Variants in DMD observed in about 807,000 individuals in gnomAD.
DMD encodes the protein dystrophin.
Under a neutral mutation model 330.1 loss-of-function variants are expected in DMD, and 63 were observed. That is an observed-to-expected ratio of 0.19 (90% CI 0.16 to 0.24). The LOEUF (loss-of-function observed/expected upper bound fraction) is 0.24. Among genes scored for constraint, DMD ranks in the 10% least tolerant of loss-of-function variants. The probability of loss-of-function intolerance (pLI) is 1.00; values close to 1 mark genes in which losing one functional copy is unlikely to be tolerated. For missense variants in DMD, 3,344 were observed against 2,684.1 expected, an observed-to-expected ratio of 1.25 and a Z score of -5.43; for synonymous variants, 1,223 against 959.8, an observed-to-expected ratio of 1.27 and a Z score of -5.07.
intron 2 of DMD, among the ~76,000 whole-genome samples, chrX:32,910,471 C>A (rs1274258803): frequency 9.0e-6 from 1 of 110,794 alleles, no homozygotes; most frequent in African/African-American, 3.3e-5. Flanking sequence ...CACTGTCACC[C>A]GGGCTGGAGT....
intron 62 of DMD, among the ~76,000 whole-genome samples, chrX:31,314,764 G>GAAAGAGAA (rs1424885557): frequency 1.3e-3 from 126 of 96,350 alleles, no homozygotes; most frequent in African/African-American, 4.6e-3. Flanking sequence ...GAGAGAGAGA[G>GAAAGAGAA]AGAGAGAGAG....
At chrX:31,185,894 A>T (rs765468591) in intron 67 of DMD, among the ~76,000 whole-genome samples, 1 of 112,116 alleles carries the variant, frequency 8.9e-6, no homozygotes, top group Admixed American at 9.5e-5. Flanking sequence ...TTTTGCCAAG[A>T]ACCAAGAAGC....
intron 2 of DMD, among the ~76,000 whole-genome samples, chrX:33,017,453 ATG>A (rs1483123835): frequency 4.5e-5 from 5 of 111,232 alleles, no homozygotes; most frequent in Non-Finnish European, 7.6e-5. Flanking sequence ...AGTTGTATGA[ATG>A]TGTGTGTGCC....
At chrX:31,507,019 C>T (rs751911349) in intron 56 of DMD, among the ~76,000 whole-genome samples, 1 of 111,756 alleles carries the variant, frequency 8.9e-6, no homozygotes, top group African/African-American at 3.2e-5. Context: ...AGCTGCACTC[C>T]TCATTTAAAT....
chrX:32,912,819 TG>T (rs758215688), intron 2 of DMD, among the ~76,000 whole-genome samples: 8 of 111,407 alleles, frequency 7.2e-5, no homozygotes, highest in Non-Finnish European at 1.5e-4. Flanking sequence ...GAATTGGAGA[TG>T]GGTACATAGA....
At chrX:33,044,757 G>A (rs1295340904) in intron 1 of DMD, among the ~76,000 whole-genome samples, 1 of 111,894 alleles carries the variant, frequency 8.9e-6, no homozygotes, top group Non-Finnish European at 1.9e-5. Flanking sequence ...CGTATTCAGA[G>A]ATAAATTTAT....
At chrX:32,852,874 T>C (rs2081249885) in intron 2 of DMD, among the ~76,000 whole-genome samples, 1 of 108,897 alleles carries the variant, frequency 9.2e-6, no homozygotes, top group Admixed American at 9.8e-5. Flanking sequence ...TCTGCCACAA[T>C]AGAAGAGAGC....
chrX:32,092,484 T>C (rs2096481537), intron 44 of DMD, among the ~76,000 whole-genome samples: 1 of 111,527 alleles, frequency 9.0e-6, no homozygotes, highest in Non-Finnish European at 1.9e-5. Flanking sequence ...AGATGAGGAA[T>C]ACAATTCTTT....
intron 61 of DMD, among the ~76,000 whole-genome samples, chrX:31,327,648 G>C (rs1243854053): frequency 1.8e-5 from 2 of 111,833 alleles, no homozygotes; most frequent in Non-Finnish European, 3.8e-5. Context: ...CAAAAAAGTG[G>C]GGACAGTTTA....
chrX:32,587,771 G>A (rs979742907), intron 13 of DMD, among the ~76,000 whole-genome samples: 4 of 111,342 alleles, frequency 3.6e-5, no homozygotes, highest in East Asian at 2.8e-4. Flanking sequence ...AGCTCTTATC[G>A]CATTGTAAGA....
Position 33,201,178 on chromosome X carries a change from G to A in DMD, c.31+10104C>T, listed in dbSNP as rs5972774. 4.6e-3 allele frequency among the ~76,000 whole-genome samples: 510 copies of A among 110,366 alleles called. 1 individual carries two copies. The highest frequency in any genetic ancestry group is 0.014 in the Middle Eastern group (3 of 210). Reference sequence around the variant, plus strand: ...ATTCCTGACCTCAGGTGATCTGCCCGCCTTGGCCTCCCAAAGTGTTGGGAT... The same window carrying A: ...ATTCCTGACCTCAGGTGATCTGCCCACCTTGGCCTCCCAAAGTGTTGGGAT... On this transcript the variant is annotated intron_variant, in intron 1 of 78. Transcript: ENST00000357033.
intron 26 of DMD, among the ~76,000 whole-genome samples, chrX:32,450,287 C>A (rs1464547357): frequency 3.6e-5 from 4 of 110,866 alleles, no homozygotes; most frequent in Non-Finnish European, 7.6e-5. Context: ...TCACCCTACT[C>A]CTTTGGATTT....
chrX:31,270,951 G>C (rs1336651385), intron 62 of DMD, among the ~76,000 whole-genome samples: 3 of 111,836 alleles, frequency 2.7e-5, no homozygotes. Flanking sequence ...GAGGGAAGAA[G>C]TAAAGCAATA....
chrX:32,780,030 T>C (rs1251919249), intron 7 of DMD, among the ~76,000 whole-genome samples: 3 of 111,833 alleles, frequency 2.7e-5, no homozygotes, highest in Non-Finnish European at 5.6e-5. Context: ...AAATTTTACA[T>C]AGAAATCATG....
chrX:32,082,726 A>G (rs1307323276), intron 44 of DMD, among the ~76,000 whole-genome samples: 3 of 111,702 alleles, frequency 2.7e-5, no homozygotes, highest in African/African-American at 9.8e-5. Flanking sequence ...CTCAATTACA[A>G]CTAGTCCTAA....
At chrX:31,810,134 G>A (rs1175446484) in intron 50 of DMD, among the ~76,000 whole-genome samples, 2 of 111,702 alleles carry the variant, frequency 1.8e-5, no homozygotes, top group East Asian at 5.6e-4. Flanking sequence ...TATTTGGCAT[G>A]TAAACGTAGG....
At chrX:31,678,262 C>T (rs758294518) in intron 53 of DMD, among the ~76,000 whole-genome samples, 2 of 111,751 alleles carry the variant, frequency 1.8e-5, no homozygotes, top group Admixed American at 9.5e-5. Flanking sequence ...GATGACATAA[C>T]CAATTTGAGA....
intron 43 of DMD, among the ~76,000 whole-genome samples, chrX:32,238,829 T>C (rs2097197628): frequency 8.9e-6 from 1 of 111,900 alleles, no homozygotes; most frequent in Admixed American, 9.5e-5. Flanking sequence ...TTTATGATGA[T>C]GAGCCTTGGT....
At chrX:31,589,662 C>T (rs1371578026) in intron 55 of DMD, among the ~76,000 whole-genome samples, 1 of 111,539 alleles carries the variant, frequency 9.0e-6, no homozygotes, top group Non-Finnish European at 1.9e-5. Context: ...TTTTGTTTTA[C>T]TTAGTCTCAA....
Sources: allele counts gnomAD v4.1 joint callset (sites outside exome capture counted in the v4.1 genomes callset), GRCh38; gene constraint gnomAD v4.1.1; transcripts MANE v1.5; gene names NCBI Gene and HGNC (gene_info 2026-07-23, HGNC 2026-07-21).